The following RAP1GAP2 variants were observed in gnomAD, a reference collection of about 807,000 sequenced individuals.
RAP1GAP2 encodes the protein rap1 GTPase-activating protein 2.
In RAP1GAP2, 27 loss-of-function variants were observed where a neutral mutation model predicts 95.0. The ratio of observed to expected loss-of-function variants is 0.28; its 90% CI spans 0.21 to 0.39. The LOEUF is 0.39. Ranked by LOEUF, RAP1GAP2 falls within the 10% of genes least tolerant of loss-of-function variation. The probability of loss-of-function intolerance (pLI) is 1.00; values close to 1 mark genes in which losing one functional copy is unlikely to be tolerated. For synonymous variants in RAP1GAP2, 373 were observed against 380.9 expected, an observed-to-expected ratio of 0.98 and a Z score of 0.24; for missense variants, 771 against 970.0, an observed-to-expected ratio of 0.79 and a Z score of 2.72.
intron 23 of RAP1GAP2, among the ~76,000 whole-genome samples, chr17:3,032,137 C>CCCA (rs2047337331): frequency 1.3e-5 from 2 of 148,392 alleles, no homozygotes; most frequent in African/African-American, 2.5e-5. Context: ...TCCTGGGTCC[C>CCCA]GAATCCCTTC....
At chr17:2,838,650 G>A (rs922799414) in intron 2 of RAP1GAP2, among the ~76,000 whole-genome samples, 35 of 152,210 alleles carry the variant, frequency 2.3e-4, no homozygotes, top group Admixed American at 9.8e-4. Context: ...AGGGAGGCGG[G>A]TGGAATTGGA....
intron 2 of RAP1GAP2, among the ~76,000 whole-genome samples, chr17:2,874,500 TG>T (rs2072999744): frequency 6.6e-6 from 1 of 152,154 alleles, no homozygotes; most frequent in African/African-American, 2.4e-5. Flanking sequence ...AGAGCATTTC[TG>T]GCACCCTCAT....
intron 2 of RAP1GAP2, among the ~76,000 whole-genome samples, chr17:2,893,912 C>G (rs1233730313): frequency 6.6e-6 from 1 of 152,228 alleles, no homozygotes; most frequent in Non-Finnish European, 1.5e-5. Context: ...TGAGCACCGC[C>G]CTTCCAGCCC....
chr17:2,794,855 AG>A (rs1459881884), upstream of RAP1GAP2, among the ~76,000 whole-genome samples: 1 of 140,652 alleles, frequency 7.1e-6, no homozygotes, highest in African/African-American at 2.6e-5. Context: ...GGCACCAGCT[AG>A]GGCCGTTTTT....
In RAP1GAP2 at chr17:2,848,918, TTCC is replaced by T. The variant is rs1266128985; in HGVS notation, c.80+48373_80+48375del. Among the ~76,000 whole-genome samples the T allele has an allele frequency of 4.6e-5, 7 of 152,204 alleles. 1 individual carries two copies. The highest frequency in any genetic ancestry group is 4.6e-4 in the Admixed American group (7 of 15,280). On this transcript the variant is annotated intron_variant, in intron 2 of 24. Coordinates refer to ENST00000254695, the MANE Select transcript of RAP1GAP2 (RefSeq NM_015085.5). ...GCCTCCCTCTTCCCCCTCCTCTGTCTTCCTCCTAAGGGGGCATCCCAGAGACGC... is the reference window on the plus strand; with the variant it reads ...GCCTCCCTCTTCCCCCTCCTCTGTCTTCCTAAGGGGGCATCCCAGAGACGC...
intron 17 of RAP1GAP2, among the ~76,000 whole-genome samples, chr17:3,010,176 C>T (rs1395719984): frequency 6.6e-6 from 1 of 151,904 alleles, no homozygotes; most frequent in Admixed American, 6.6e-5. Flanking sequence ...CTCGTCTCCA[C>T]TAAAAATACA....
At chr17:2,819,540 C>G (rs1321546689) in intron 2 of RAP1GAP2, among the ~76,000 whole-genome samples, 2 of 151,832 alleles carry the variant, frequency 1.3e-5, no homozygotes, top group African/African-American at 4.8e-5. Flanking sequence ...GTGGTGCAAT[C>G]TCGGCTCATT....
chr17:2,805,705 C>T (rs962083380), intron 2 of RAP1GAP2, among the ~76,000 whole-genome samples: 3 of 151,938 alleles, frequency 2.0e-5, no homozygotes, highest in Non-Finnish European at 4.4e-5. Flanking sequence ...ACCCTCTGTG[C>T]TCTCTCCACA....
intron 2 of RAP1GAP2, among the ~76,000 whole-genome samples, chr17:2,868,665 G>A (rs570971281): frequency 6.8e-6 from 1 of 147,134 alleles, no homozygotes; most frequent in Non-Finnish European, 1.5e-5. Flanking sequence ...TTACAGGCAT[G>A]TGCCACTACG....
intron 2 of RAP1GAP2, among the ~76,000 whole-genome samples, chr17:2,894,778 G>A (rs549142748): frequency 4.6e-5 from 7 of 152,210 alleles, no homozygotes; most frequent in East Asian, 3.9e-4. Context: ...TTTTGCTCCC[G>A]AAATGCCTTA....
intron 1 of RAP1GAP2, among the ~76,000 whole-genome samples, chr17:2,756,082 C>T (rs926668239): frequency 2.6e-5 from 4 of 152,252 alleles, no homozygotes; most frequent in African/African-American, 9.6e-5. Context: ...CTTTCACGCT[C>T]GCACGGGGCT....
At chr17:2,962,516 C>A in intron 4 of RAP1GAP2, 154 bp from the exon 5 acceptor site, 1 of 736,330 alleles carries the variant, frequency 1.4e-6, no homozygotes, top group Non-Finnish European at 2.2e-6. Context: ...CTGTGAGGCC[C>A]GCCCCTGGCC....
chr17:2,894,639 G>A (rs542559041), intron 2 of RAP1GAP2, among the ~76,000 whole-genome samples: 16 of 152,140 alleles, frequency 1.1e-4, no homozygotes, highest in South Asian at 2.1e-4. Flanking sequence ...TCTGCCTCTC[G>A]CAAAGCGACT....
chr17:2,852,866 G>T (rs2071924006), intron 2 of RAP1GAP2, among the ~76,000 whole-genome samples: 1 of 152,292 alleles, frequency 6.6e-6, no homozygotes, highest in East Asian at 1.9e-4. Context: ...CTTTCCCCAG[G>T]AGCCGGCGCG....
chr17:2,998,350 C>G lies in RAP1GAP2; in HGVS notation c.1174C>G (p.Pro392Ala). 1 of 1,614,000 alleles carries G rather than the reference C, an allele frequency of 6.2e-7. No individual in the cohort carries two copies. Among genetic ancestry groups the G allele is most frequent in the South Asian group, 1.1e-5 (1 of 91,082 alleles). ...HAYIVVQVET[P>A]GTETPSYKVS... Reference sequence around the variant, plus strand: ...CTACATCGTCGTGCAGGTCGAGACCCCAGGCACAGAGACCCCATCCTACAA... The same window carrying G: ...CTACATCGTCGTGCAGGTCGAGACCGCAGGCACAGAGACCCCATCCTACAA... Residue 392 changes from proline to alanine, a missense_variant, in exon 14 of 25, where the codon CCA becomes GCA. Coordinates refer to ENST00000254695, the MANE Select transcript of RAP1GAP2 (RefSeq NM_015085.5).
At chr17:2,853,756 C>T (rs954260432) in intron 2 of RAP1GAP2, among the ~76,000 whole-genome samples, 5 of 147,150 alleles carry the variant, frequency 3.4e-5, no homozygotes, top group African/African-American at 1.2e-4. Flanking sequence ...TCGGAAATGC[C>T]CGCGCCGGGG....
chr17:3,026,372 A>G lies in RAP1GAP2; in HGVS notation c.1888A>G (p.Asn630Asp), dbSNP rs1194489607. The G allele has an allele frequency of 6.5e-7, 1 of 1,549,062 alleles. No homozygotes were observed. Among genetic ancestry groups the G allele is most frequent in the Admixed American group, 2.0e-5 (1 of 50,994 alleles). The change falls in exon 21 of 25, where the codon AAC becomes GAC. Residue 630 changes from asparagine (N) to aspartate (D), a missense_variant. Coordinates refer to ENST00000254695, the MANE Select transcript of RAP1GAP2 (RefSeq NM_015085.5). The part of the protein sequence containing the change: ...KEKPFMKLKE[N>D]GRAISRSSSS... Reference sequence around the variant, plus strand: ...CAGGCCCTTCATGAAGTTGAAGGAAAACGGCCGTGCCATCTCCCGCTCCTC... The same window carrying G: ...CAGGCCCTTCATGAAGTTGAAGGAAGACGGCCGTGCCATCTCCCGCTCCTC...
intron 19 of RAP1GAP2, among the ~76,000 whole-genome samples, chr17:3,021,263 G>C (rs2046946859): frequency 6.6e-6 from 1 of 151,804 alleles, no homozygotes; most frequent in African/African-American, 2.4e-5. Flanking sequence ...TTGAACACTA[G>C]ATCTTATTTC....
At chr17:2,832,521 G>A (rs898272108) in intron 2 of RAP1GAP2, among the ~76,000 whole-genome samples, 4 of 139,176 alleles carry the variant, frequency 2.9e-5, no homozygotes, top group Non-Finnish European at 6.0e-5. Context: ...TCGCGCCACT[G>A]CACTCCAGCC....
Sources: gnomAD v4.1 joint callset for allele counts (sites outside exome capture counted in the v4.1 genomes callset) on GRCh38, gnomAD v4.1.1 for gene constraint, MANE v1.5 for transcripts, NCBI Gene and HGNC (gene_info 2026-07-23, HGNC 2026-07-21) for gene names.